CEP83: variants seen among roughly 807,000 people sequenced by gnomAD.
CEP83 encodes the protein centrosomal protein 83.
A neutral mutation model predicts 101.9 loss-of-function variants in CEP83; 70 were observed. The ratio of observed to expected loss-of-function variants is 0.69; its 90% CI spans 0.57 to 0.84. The LOEUF (loss-of-function observed/expected upper bound fraction) is 0.84, where lower values mean the gene tolerates loss of function less well. Ranked by LOEUF, CEP83 falls within the 40% of genes least tolerant of loss-of-function variation. CEP83 has a pLI of 0.00. For missense variants in CEP83, 715 were observed against 787.2 expected (o/e 0.91, Z 1.10); for synonymous variants, 264 against 267.9 (o/e 0.99, Z 0.14).
At chr12:94,316,979 C>T (rs1242593141) in intron 14 of CEP83, among the ~76,000 whole-genome samples, 1 of 152,030 alleles carries the variant, frequency 6.6e-6, no homozygotes, top group African/African-American at 2.4e-5. Flanking sequence ...TTGTTTCTAG[C>T]TCTTTGAGGA....
At chr12:94,297,462 G>C in the CEP83 span, 1 of 1,333,880 alleles carries the variant, frequency 7.5e-7, no homozygotes, top group East Asian at 2.4e-5. Context: ...TGGCTACCTA[G>C]GGGGTGTATG....
chr12:94,312,333 C>T (rs547568523), intron 15 of CEP83, among the ~76,000 whole-genome samples: 1 of 152,294 alleles, frequency 6.6e-6, no homozygotes, highest in African/African-American at 2.4e-5. Flanking sequence ...GTTTCCATTA[C>T]AGAAAAATCT....
rs762914703 is a variant in CEP83 at position 94,309,890 on chromosome 12, T to C, written c.2001+28A>G. 1.5e-5 allele frequency: 21 copies of C among 1,359,858 alleles called. No individual in the cohort carries two copies. The Admixed American group carries it at 5.0e-4, about 33-fold the overall frequency. The allele number at this position is 1,359,858 out of a possible 1,614,324, so 84.2% of individuals were successfully genotyped here. A position where few individuals can be genotyped will look rare whatever the true frequency, so the allele number is the denominator to read the frequency against. On this transcript the variant is annotated intron_variant, in intron 16 of 16. Transcript: ENST00000397809. ...AAACCTACAAAAATGTACGACTTTT[T>C]TTTTCCCCCTAAAATAAATGCTCAT...
intron 14 of CEP83, among the ~76,000 whole-genome samples, chr12:94,328,671 T>C (rs2059076657): frequency 6.6e-6 from 1 of 152,216 alleles, no homozygotes; most frequent in African/African-American, 2.4e-5. Context: ...GAAAAGGGTA[T>C]GAGTTAAATT....
chr12:94,268,616 T>TTTTTTTTTTTTTTG, the CEP83 span, among the ~76,000 whole-genome samples: 1 of 130,184 alleles, frequency 7.7e-6, no homozygotes, highest in East Asian at 2.2e-4. Context: ...TTTTTTTAAT[T>TTTTTTTTTTTTTTG]TAAGGAATAC....
intron 11 of CEP83, among the ~76,000 whole-genome samples, chr12:94,356,706 TA>T (rs2060493440): frequency 6.6e-6 from 1 of 152,212 alleles, no homozygotes; most frequent in Admixed American, 6.5e-5. Context: ...ATGGGACTGT[TA>T]AGGAATGTTA....
chr12:94,407,615 TCTAA>T (rs1455497760), intron 4 of CEP83, among the ~76,000 whole-genome samples: 2 of 152,130 alleles, frequency 1.3e-5, no homozygotes, highest in African/African-American at 4.8e-5. Context: ...ACAAAGCATC[TCTAA>T]CTTTTTCTTA....
the CEP83 span, chr12:94,282,386 C>A: frequency 6.2e-7 from 1 of 1,610,526 alleles, no homozygotes; most frequent in Non-Finnish European, 8.5e-7. Context: ...AGCTAAACAC[C>A]ATTGGCCACT....
At chr12:94,345,008 C>T (rs944496152) in intron 11 of CEP83, among the ~76,000 whole-genome samples, 6 of 152,062 alleles carry the variant, frequency 3.9e-5, no homozygotes, top group African/African-American at 1.4e-4. Flanking sequence ...TAGACTCACA[C>T]CTGTAATTCA....
At chr12:94,376,690 TACACACAC>T (rs533315599) in intron 7 of CEP83, among the ~76,000 whole-genome samples, 3,098 of 117,410 alleles carry the variant, frequency 0.026, 150 homozygotes, top group African/African-American at 0.098. Flanking sequence ...TATACATATA[TACACACAC>T]ACACACACAC....
intron 11 of CEP83, among the ~76,000 whole-genome samples, chr12:94,336,072 A>G (rs1341409724): frequency 2.0e-5 from 3 of 151,496 alleles, no homozygotes; most frequent in Non-Finnish European, 4.4e-5. Flanking sequence ...TCCATATAGT[A>G]TTTTACAATT....
At chr12:94,288,672 T>TTATC in the CEP83 span, among the ~76,000 whole-genome samples, 1 of 152,234 alleles carries the variant, frequency 6.6e-6, no homozygotes, top group Non-Finnish European at 1.5e-5. Context: ...CTCAGCAAGG[T>TTATC]TATCCCTCAA....
intron 1 of CEP83, among the ~76,000 whole-genome samples, chr12:94,453,278 T>C (rs1246076053): frequency 2.0e-5 from 3 of 152,212 alleles, no homozygotes; most frequent in Non-Finnish European, 4.4e-5. Flanking sequence ...CGTTGATGAC[T>C]CTTCTCTCTC....
chr12:94,446,943 A>T (rs2066854110), intron 1 of CEP83, among the ~76,000 whole-genome samples: 1 of 152,204 alleles, frequency 6.6e-6, no homozygotes, highest in African/African-American at 2.4e-5. Context: ...TTTAAAAAGG[A>T]GCGAGAGAAA....
intron 6 of CEP83, among the ~76,000 whole-genome samples, chr12:94,399,254 C>A (rs982602016): frequency 6.6e-6 from 1 of 152,134 alleles, no homozygotes; most frequent in East Asian, 1.9e-4. Flanking sequence ...CAATATGTGA[C>A]GGCACCCCCA....
chr12:94,287,901 C>G, the CEP83 span, among the ~76,000 whole-genome samples: 1 of 152,174 alleles, frequency 6.6e-6, no homozygotes, highest in Admixed American at 6.5e-5. Context: ...TCTTCTTTAC[C>G]GCTCCATGAG....
intron 2 of CEP83, among the ~76,000 whole-genome samples, chr12:94,416,653 AC>A (rs2064298960): frequency 6.6e-6 from 1 of 152,054 alleles, no homozygotes; most frequent in South Asian, 2.1e-4. Flanking sequence ...GTAATAAAAT[AC>A]CCTAATACTG....
the CEP83 span, among the ~76,000 whole-genome samples, chr12:94,284,246 C>G: frequency 5.3e-5 from 8 of 152,164 alleles, no homozygotes; most frequent in African/African-American, 1.9e-4. Flanking sequence ...AATCTTGTGG[C>G]TAATTTGTTA....
chr12:94,278,124 T>TA, the CEP83 span: 1 of 436,306 alleles, frequency 2.3e-6, no homozygotes, highest in South Asian at 1.6e-5. Context: ...TCTTGCCTGT[T>TA]AGACTCTCCG....
Sources: gnomAD v4.1 joint callset for allele counts (sites outside exome capture counted in the v4.1 genomes callset) on GRCh38, gnomAD v4.1.1 for gene constraint, MANE v1.5 for transcripts, NCBI Gene and HGNC (gene_info 2026-07-23, HGNC 2026-07-21) for gene names.